MDN1: variants seen among roughly 807,000 people sequenced by gnomAD.
MDN1 encodes the protein midasin AAA ATPase 1.
In MDN1, 266 loss-of-function variants were observed where a neutral mutation model predicts 669.2. The observed-to-expected ratio is 0.40, with a 90% CI of 0.36 to 0.44. MDN1 has a LOEUF of 0.44. MDN1 is among the 20% of genes least tolerant of loss of function. The pLI is 1.00. For missense variants in MDN1, 5,940 were observed against 6,754.0 expected (o/e 0.88, Z 4.22); for synonymous variants, 2,385 against 2,457.1 (o/e 0.97, Z 0.87).
chr6:89,681,936 G>A (rs1331490536), intron 73 of MDN1, among the ~76,000 whole-genome samples: 1 of 152,150 alleles, frequency 6.6e-6, no homozygotes, highest in African/African-American at 2.4e-5. Context: ...ACAGCCGTGA[G>A]CCACTACGCC....
intron 89 of MDN1, 77 bp from the exon 90 acceptor site, chr6:89,658,447 G>A (rs1195344124): frequency 6.3e-7 from 1 of 1,584,800 alleles, no homozygotes; most frequent in Non-Finnish European, 8.6e-7. Flanking sequence ...CAACAAGCAG[G>A]CTTCCCCACT....
At chr6:89,809,587 C>A (rs931053367) in intron 1 of MDN1, among the ~76,000 whole-genome samples, 8 of 151,668 alleles carry the variant, frequency 5.3e-5, no homozygotes, top group Non-Finnish European at 1.2e-4. Flanking sequence ...ATCAGCCTGA[C>A]CAACATAGCG....
chr6:89,658,089 AAAAC>A, intron 90 of MDN1, 116 bp downstream of exon 90: 1 of 1,267,114 alleles, frequency 7.9e-7, no homozygotes, highest in African/African-American at 1.5e-5. Flanking sequence ...TGTCAACAAC[AAAAC>A]AAACAACAAA....
At chr6:89,717,262 C>T (rs1026682101) in intron 43 of MDN1, among the ~76,000 whole-genome samples, 17 of 152,134 alleles carry the variant, frequency 1.1e-4, no homozygotes, top group Non-Finnish European at 1.8e-4. Context: ...GCCCTTCCCT[C>T]GAAATTTTTC....
intron 1 of MDN1, chr6:89,814,814 T>C (rs1198489473): frequency 1.1e-5 from 5 of 471,660 alleles, no homozygotes; most frequent in Non-Finnish European, 2.1e-5. Flanking sequence ...GGGTTCTCTG[T>C]GCAGACAGTT....
At chr6:89,694,527 A>AT (rs984026548) in intron 61 of MDN1, among the ~76,000 whole-genome samples, 16 of 152,164 alleles carry the variant, frequency 1.1e-4, no homozygotes, top group Admixed American at 2.0e-4. Context: ...ATAGCAAGGG[A>AT]TACCACATTA....
chr6:89,743,315 A>T (rs1379907186), intron 30 of MDN1, 35 bp from the exon 31 acceptor site: 1 of 1,613,118 alleles, frequency 6.2e-7, no homozygotes, highest in South Asian at 1.1e-5. Flanking sequence ...ATTAAAGGGC[A>T]GGTGGCTCCA....
intron 87 of MDN1, 100 bp downstream of exon 87, chr6:89,661,987 C>A: frequency 7.1e-7 from 1 of 1,402,856 alleles, no homozygotes; most frequent in Non-Finnish European, 9.6e-7. Context: ...GAGCAGTCGA[C>A]GAACAGGGGA....
chr6:89,818,995 CAG>C (rs1345150612), intron 1 of MDN1, among the ~76,000 whole-genome samples: 1 of 152,178 alleles, frequency 6.6e-6, no homozygotes, highest in Non-Finnish European at 1.5e-5. Context: ...TCTCCAAAAA[CAG>C]ATGCAAATTT....
Position 89,695,882 on chromosome 6 carries a change from A to G in MDN1, c.9494T>C (p.Leu3165Pro), listed in dbSNP as rs931657950. The G allele has an allele frequency of 2.5e-6, 4 of 1,613,194 alleles. No individual in the cohort carries two copies. The highest frequency in any genetic ancestry group is 3.4e-6 in the Non-Finnish European group (4 of 1,180,030). ...RQEYMQNCEQLLLGSSQAFQH... is the reference protein window; with the variant it reads ...RQEYMQNCEQPLLGSSQAFQH... ...GAAGGCCTGGCTGCTCCCAAGCAGCAGCTGCTCACAGTTCTGCATGTACTC... is the reference window on the plus strand; with the variant it reads ...GAAGGCCTGGCTGCTCCCAAGCAGCGGCTGCTCACAGTTCTGCATGTACTC... Residue 3165 changes from leucine (L) to proline (P), a missense_variant, in exon 61 of 102, where the codon CTG (leucine) becomes CCG (proline). This residue lies in a region of MDN1 where 2,292 missense variants were observed against 2,638.3 expected (regional missense o/e 0.87). Transcript: ENST00000369393. This position sits in a 1 kb window ranked among gnomAD's most constrained non-coding sequence, Gnocchi z 4.1.
Position 89,700,740 on chromosome 6 carries a change from G to C in MDN1, c.8544C>G (p.Leu2848=), listed in dbSNP as rs768742015. ...ESGWQEDINR[L]QVVASQWTLK... ...ATGTCCACTGAGAAGCAACCACTTG[G>C]AGACGGTTAATGTCTTCCTGCCATC... The change falls in exon 56 of 102, where the codon CTC becomes CTG. Residue 2848 remains leucine, a synonymous_variant. Transcript: ENST00000369393. 6.2e-6 allele frequency: 10 copies of C among 1,613,974 alleles called. No individual in the cohort carries two copies. The highest frequency in any genetic ancestry group is 1.3e-5 in the African/African-American group (1 of 74,880).
chr6:89,692,339 C>T, intron 63 of MDN1, 104 bp downstream of exon 63: 1 of 1,000,628 alleles, frequency 1.0e-6, no homozygotes, highest in Non-Finnish European at 1.4e-6. Flanking sequence ...GCCCCAACGA[C>T]ACTGTGTATC....
intron 27 of MDN1, among the ~76,000 whole-genome samples, chr6:89,746,450 C>T (rs926772339): frequency 4.0e-5 from 6 of 151,770 alleles, no homozygotes; most frequent in African/African-American, 7.3e-5. Context: ...GGCATGGTGG[C>T]GCTTGCCTGT....
chr6:89,740,904 C>T (rs999816526), intron 31 of MDN1, among the ~76,000 whole-genome samples: 2 of 152,112 alleles, frequency 1.3e-5, no homozygotes, highest in African/African-American at 4.8e-5. Flanking sequence ...GTAATGCACA[C>T]AAAGGATTCT....
intron 8 of MDN1, 53 bp downstream of exon 8, chr6:89,787,801 G>A: frequency 7.2e-7 from 1 of 1,385,334 alleles, no homozygotes; most frequent in East Asian, 2.3e-5. Context: ...TCAGCATGCA[G>A]ACTTACGAGT....
At chr6:89,644,230 G>T in intron 101 of MDN1, 37 bp from the exon 102 acceptor site, 2 of 1,534,478 alleles carry the variant, frequency 1.3e-6, no homozygotes, top group East Asian at 4.5e-5. Context: ...GGGAGGCAGC[G>T]ATTAAACCAG....
At chr6:89,761,082 C>A (rs548256287) in intron 17 of MDN1, among the ~76,000 whole-genome samples, 1 of 152,094 alleles carries the variant, frequency 6.6e-6, no homozygotes. Flanking sequence ...AGGAGAATGG[C>A]GTGAACCCAG....
Position 89,689,967 on chromosome 6 carries a change from C to T in MDN1, c.10926G>A (p.Gln3642=), listed in dbSNP as rs934955219. ...GCTTTGCTTCATGTGGCGGCAGAGT[C>T]TGTTGATACCAGAGGGATCGAGCAA... ...LNFARSLWYQ[Q]TLPPHEAKHY... is the part of the protein sequence containing the mutation. The change falls in exon 65 of 102, where the codon CAG becomes CAA. Residue 3642 remains glutamine, a synonymous_variant. Coordinates refer to ENST00000369393, the MANE Select transcript of MDN1 (RefSeq NM_014611.3). The T allele has an allele frequency of 1.2e-6, 2 of 1,614,202 alleles. No individual in the cohort carries two copies.
chr6:89,765,217 A>T (rs1817752100), intron 15 of MDN1, among the ~76,000 whole-genome samples: 1 of 151,828 alleles, frequency 6.6e-6, no homozygotes, highest in African/African-American at 2.4e-5. Context: ...AGATCGTGCC[A>T]CTGCACTCCA....
Sources: gnomAD v4.1 joint callset for allele counts (sites outside exome capture counted in the v4.1 genomes callset) on GRCh38, gnomAD v4.1.1 for gene constraint, gnomAD v4.1.1 regional missense constraint, Gnocchi (gnomAD v3.1) non-coding constraint, MANE v1.5 for transcripts, NCBI Gene and HGNC (gene_info 2026-07-23, HGNC 2026-07-21) for gene names.